ARHGAP42: variants seen among roughly 807,000 people sequenced by gnomAD.
ARHGAP42 encodes Rho GTPase activating protein 42, also known as rho GTPase-activating protein 42.
In ARHGAP42, 63 loss-of-function variants were observed where a neutral mutation model predicts 125.0. The observed-to-expected ratio is 0.50, with a 90% confidence interval of 0.41 to 0.62. ARHGAP42 has a LOEUF of 0.62. Among genes scored for constraint, ARHGAP42 ranks in the 20% least tolerant of loss-of-function variants. The probability of loss-of-function intolerance (pLI) is 0.00; values close to 1 mark genes in which losing one functional copy is unlikely to be tolerated. For synonymous variants in ARHGAP42, 339 were observed against 351.0 expected (o/e 0.97, Z 0.38); for missense variants, 766 against 1,024.2 (o/e 0.75, Z 3.44).
chr11:100,749,674 T>A, intron 1 of ARHGAP42, among the ~76,000 whole-genome samples: 1 of 152,160 alleles, frequency 6.6e-6, no homozygotes, highest in Non-Finnish European at 1.5e-5. Context: ...CGTACCGATA[T>A]AACTTCCACC....
At chr11:100,863,928 G>A (rs917241379) in intron 4 of ARHGAP42, among the ~76,000 whole-genome samples, 16 of 152,250 alleles carry the variant, frequency 1.1e-4, no homozygotes, top group Non-Finnish European at 1.3e-4. Flanking sequence ...TGTAATCGTC[G>A]TATTAGCATT....
intron 4 of ARHGAP42, among the ~76,000 whole-genome samples, chr11:100,899,671 TTTTGTTTGTTTG>T (rs200506740): frequency 1.2e-5 from 1 of 81,012 alleles, no homozygotes; most frequent in African/African-American, 3.3e-5. Flanking sequence ...AGTCCCTGCT[TTTTGTTTGTTTG>T]TTTGTTTGTT....
intron 4 of ARHGAP42, among the ~76,000 whole-genome samples, chr11:100,875,512 G>A (rs1865799719): frequency 6.6e-6 from 1 of 152,182 alleles, no homozygotes; most frequent in African/African-American, 2.4e-5. Context: ...AGACAAGGAT[G>A]ACCATCACTG....
chr11:100,901,218 G>A (rs1216401998), intron 4 of ARHGAP42, among the ~76,000 whole-genome samples: 2 of 152,162 alleles, frequency 1.3e-5, no homozygotes, highest in Non-Finnish European at 2.9e-5. Flanking sequence ...TATCACCAGC[G>A]GAGGCAGCAG....
chr11:100,881,584 T>C (rs1865963657), intron 4 of ARHGAP42, among the ~76,000 whole-genome samples: 1 of 152,152 alleles, frequency 6.6e-6, no homozygotes, highest in Non-Finnish European at 1.5e-5. Flanking sequence ...CCATATGAAT[T>C]TTTGGATTGT....
intron 4 of ARHGAP42, among the ~76,000 whole-genome samples, chr11:100,902,429 T>C (rs979407569): frequency 3.3e-5 from 5 of 152,200 alleles, no homozygotes; most frequent in Admixed American, 6.5e-5. Context: ...TATACAAAAT[T>C]AGATCAAGAG....
At chr11:100,890,080 A>G (rs536932835) in intron 4 of ARHGAP42, among the ~76,000 whole-genome samples, 1 of 152,360 alleles carries the variant, frequency 6.6e-6, no homozygotes, top group South Asian at 2.1e-4. Flanking sequence ...AGGGAAGATC[A>G]CTAGCTGAGG....
chr11:100,751,560 A>G (rs1264259330), intron 1 of ARHGAP42, among the ~76,000 whole-genome samples: 1 of 151,582 alleles, frequency 6.6e-6, no homozygotes, highest in East Asian at 1.9e-4. Context: ...TGTTGTAGAT[A>G]AAGTAGATGG....
intron 1 of ARHGAP42, among the ~76,000 whole-genome samples, chr11:100,750,044 C>G (rs1862408636): frequency 6.6e-6 from 1 of 152,178 alleles, no homozygotes; most frequent in Admixed American, 6.5e-5. Context: ...CCTGAGGCTG[C>G]CACAAGGGGG....
At chr11:100,908,447 C>A (rs1250319410) in intron 4 of ARHGAP42, among the ~76,000 whole-genome samples, 1 of 152,166 alleles carries the variant, frequency 6.6e-6, no homozygotes, top group East Asian at 1.9e-4. Flanking sequence ...TCTGTATATT[C>A]ATGTGTACCC....
chr11:100,937,515 T>A (rs17095833), intron 8 of ARHGAP42, among the ~76,000 whole-genome samples: 1 of 152,188 alleles, frequency 6.6e-6, no homozygotes, highest in African/African-American at 2.4e-5. Flanking sequence ...TTTGAGAGCC[T>A]TCATGTGACA....
chr11:100,958,941 A>G (rs1374546668), intron 12 of ARHGAP42, among the ~76,000 whole-genome samples: 7 of 151,362 alleles, frequency 4.6e-5, no homozygotes, highest in Non-Finnish European at 8.8e-5. Flanking sequence ...TTTTTTTGAT[A>G]TATATTTTTT....
intron 4 of ARHGAP42, among the ~76,000 whole-genome samples, chr11:100,884,822 C>T (rs1866048231): frequency 6.6e-6 from 1 of 152,088 alleles, no homozygotes; most frequent in Non-Finnish European, 1.5e-5. Context: ...AGGGTATCTG[C>T]AGAAGTAGAT....
chr11:100,884,174 T>G (rs934670428), intron 4 of ARHGAP42, among the ~76,000 whole-genome samples: 40 of 152,204 alleles, frequency 2.6e-4, no homozygotes, highest in Non-Finnish European at 2.6e-4. Context: ...ACAAAAAAAC[T>G]ATCAGTCTGG....
intron 17 of ARHGAP42, among the ~76,000 whole-genome samples, chr11:100,966,258 C>T (rs1328368661): frequency 1.3e-5 from 2 of 152,028 alleles, no homozygotes; most frequent in African/African-American, 2.4e-5. Context: ...ATATATTTAC[C>T]ATCTCTCTTT....
chr11:100,788,254 C>T (rs1313516413), intron 2 of ARHGAP42, among the ~76,000 whole-genome samples: 3 of 152,120 alleles, frequency 2.0e-5, no homozygotes, highest in African/African-American at 7.2e-5. Flanking sequence ...GATTTCAGAG[C>T]GTGTTCTCAA....
chr11:100,904,057 CTT>C (rs558106270), intron 4 of ARHGAP42, among the ~76,000 whole-genome samples: 189 of 152,144 alleles, frequency 1.2e-3, no homozygotes, highest in African/African-American at 4.5e-3. Flanking sequence ...ATGTTCATCT[CTT>C]TTGGCAATAC....
chr11:100,982,385 C>T (rs960129602), intron 22 of ARHGAP42, among the ~76,000 whole-genome samples: 13 of 152,106 alleles, frequency 8.5e-5, no homozygotes, highest in Non-Finnish European at 1.9e-4. Context: ...ACTGAGGCCT[C>T]GGGAAGCTGC....
At chr11:100,889,648 G>C (rs12285336) in intron 4 of ARHGAP42, among the ~76,000 whole-genome samples, 4 of 151,990 alleles carry the variant, frequency 2.6e-5, no homozygotes, top group Admixed American at 6.6e-5. Context: ...TGGACACCCT[G>C]GTTTTCTGAT....
Sources: gnomAD v4.1 joint callset for allele counts (sites outside exome capture counted in the v4.1 genomes callset) on GRCh38, gnomAD v4.1.1 for gene constraint, MANE v1.5 for transcripts, NCBI Gene and HGNC (gene_info 2026-07-23, HGNC 2026-07-21) for gene names.